OSCP1: variants seen among roughly 807,000 people sequenced by gnomAD.
OSCP1 encodes protein OSCP1.
OSCP1 carries 35 observed loss-of-function variants against 45.1 expected under a neutral mutation model. The ratio of observed to expected loss-of-function variants is 0.78; its 90% CI spans 0.59 to 1.03. OSCP1 has a LOEUF of 1.03. Ranked by LOEUF, OSCP1 falls within the 50% of genes least tolerant of loss-of-function variation. The probability of loss-of-function intolerance (pLI) is 0.00; values close to 1 mark genes in which losing one functional copy is unlikely to be tolerated. For synonymous variants in OSCP1, 179 were observed against 180.1 expected, an observed-to-expected ratio of 0.99 and a Z score of 0.05; for missense variants, 400 against 470.7, an observed-to-expected ratio of 0.85 and a Z score of 1.39.
chr1:36,435,091 C>CTTTTTTTTTTTTTTTTTTTTTTTTTT (rs201268337), intron 2 of OSCP1, among the ~76,000 whole-genome samples: 1 of 125,748 alleles, frequency 8.0e-6, no homozygotes. Flanking sequence ...TTTTCTTTTT[C>CTTTTTTTTTTTTTTTTTTTTTTTTTT]TTTTTTTTTT....
rs67376533 is a variant in OSCP1, at chr1:36,449,835, C to CAAAAAAA, written c.112+416_112+422dup. Among the ~76,000 whole-genome samples, 184 of 20,348 alleles carry CAAAAAAA rather than the reference C, an allele frequency of 9.0e-3. 29 individuals are homozygous for CAAAAAAA. Among genetic ancestry groups the CAAAAAAA allele is most frequent in the East Asian group, 0.021 (8 of 374 alleles). 13.3% of individuals were successfully genotyped at this position (20,348 alleles called of 152,430 possible). ...TGGGCGACAGAGCGAGACCCTGTCT[C>CAAAAAAA]AAAAAAAAAAAAAAAAAAAAAAAAA... On this transcript the variant is annotated intron_variant, in intron 1 of 9. Transcript: ENST00000235532.
intron 4 of OSCP1, among the ~76,000 whole-genome samples, chr1:36,426,854 T>G: frequency 6.6e-6 from 1 of 152,082 alleles, no homozygotes; most frequent in African/African-American, 2.4e-5. Context: ...TACAGGCATG[T>G]GCCACCACAC....
At chr1:36,423,542 C>A in intron 4 of OSCP1, 76 bp from the exon 5 acceptor site, 1 of 1,203,710 alleles carries the variant, frequency 8.3e-7, no homozygotes. Flanking sequence ...GTGGAAAGTG[C>A]GTAATGGTTT....
chr1:36,428,189 CAAAAAAAAAAAAAAA>C (rs71053930), intron 4 of OSCP1: 2 of 748,750 alleles, frequency 2.7e-6, no homozygotes, highest in African/African-American at 5.8e-5. Context: ...GACTGCATCT[CAAAAAAAAAAAAAAA>C]AAAAAAGAAA....
intron 2 of OSCP1, among the ~76,000 whole-genome samples, chr1:36,434,431 A>G (rs1273616793): frequency 6.6e-6 from 1 of 152,100 alleles, no homozygotes; most frequent in Admixed American, 6.6e-5. Flanking sequence ...GCAGCCAAAC[A>G]TTTCCACTTA....
intron 6 of OSCP1, among the ~76,000 whole-genome samples, 190 bp downstream of exon 6, chr1:36,422,578 T>A (rs1046694136): frequency 2.0e-5 from 3 of 152,198 alleles, no homozygotes; most frequent in Non-Finnish European, 4.4e-5. Context: ...TTCTGTTGAG[T>A]TGCCTTATGT....
At chr1:36,438,268 G>C (rs907043372) in intron 2 of OSCP1, among the ~76,000 whole-genome samples, 1 of 133,164 alleles carries the variant, frequency 7.5e-6, no homozygotes, top group African/African-American at 2.9e-5. Flanking sequence ...GGTGAGCCGA[G>C]ATCACGCCAT....
At chr1:36,426,054 C>A (rs1190216772) in intron 4 of OSCP1, among the ~76,000 whole-genome samples, 1 of 152,070 alleles carries the variant, frequency 6.6e-6, no homozygotes. Context: ...AACATGTAAA[C>A]TGGTTTGGTC....
At chr1:36,427,050 G>A (rs189631611) in intron 4 of OSCP1, among the ~76,000 whole-genome samples, 15 of 148,882 alleles carry the variant, frequency 1.0e-4, no homozygotes, top group Admixed American at 9.4e-4. Context: ...GCCCAGGCTA[G>A]AGTACAGTGG....
chr1:36,431,343 G>A (rs1363390355), intron 4 of OSCP1, among the ~76,000 whole-genome samples: 1 of 152,028 alleles, frequency 6.6e-6, no homozygotes, highest in African/African-American at 2.4e-5. Flanking sequence ...GGAGAGGAAG[G>A]AGTAAGAGGC....
At chr1:36,446,011 C>G (rs1354776445) in intron 1 of OSCP1, among the ~76,000 whole-genome samples, 1 of 150,460 alleles carries the variant, frequency 6.6e-6, no homozygotes, top group African/African-American at 2.5e-5. Flanking sequence ...TCACACCCGG[C>G]CTGGCATTTA....
chr1:36,441,147 G>A (rs1020952927), intron 1 of OSCP1, among the ~76,000 whole-genome samples: 2 of 152,226 alleles, frequency 1.3e-5, no homozygotes, highest in African/African-American at 4.8e-5. Flanking sequence ...AGAGGACGGC[G>A]GGGTCTGTCC....
chr1:36,436,682 G>A (rs1322905493), intron 2 of OSCP1, among the ~76,000 whole-genome samples: 1 of 152,198 alleles, frequency 6.6e-6, no homozygotes, highest in East Asian at 1.9e-4. Context: ...GGGAGAAGTT[G>A]TAAAGGAATT....
At chr1:36,446,510 C>T (rs940786863) in intron 1 of OSCP1, among the ~76,000 whole-genome samples, 6 of 152,232 alleles carry the variant, frequency 3.9e-5, no homozygotes, top group Non-Finnish European at 5.9e-5. Flanking sequence ...GCAGGCTGAA[C>T]GCCAGCAGGG....
In OSCP1 at chr1:36,450,331, C is replaced by A. The variant is rs1340386682; in HGVS notation, c.39G>T (p.Leu13Phe). Residue 13 changes from leucine to phenylalanine, a missense_variant, in exon 1 of 10, where the codon TTG (leucine) becomes TTT (phenylalanine). Transcript: ENST00000235532. Reference protein sequence around the residue: ...VRTLPLLFLNLGGEMLYILDQ... With the variant: ...VRTLPLLFLNFGGEMLYILDQ... The stretch of plus-strand genomic sequence containing the variant: ...CGAGGATGTAAAGCATCTCCCCGCC[C>A]AAGTTCAAGAAGAGCAGCGGTAGCG... 11 of 1,613,794 alleles carry A rather than the reference C, an allele frequency of 6.8e-6. No individual in the cohort carries two copies. The highest frequency in any genetic ancestry group is 8.5e-6 in the Non-Finnish European group (10 of 1,179,976).
intron 1 of OSCP1, among the ~76,000 whole-genome samples, chr1:36,444,885 C>T (rs914736702): frequency 1.3e-5 from 2 of 152,184 alleles, no homozygotes; most frequent in Admixed American, 1.3e-4. Context: ...GCATAACACA[C>T]ATCAAATACT....
intron 9 of OSCP1, chr1:36,418,561 G>A (rs1210242849): frequency 4.8e-6 from 2 of 413,700 alleles, no homozygotes; most frequent in East Asian, 1.0e-4. Flanking sequence ...CAGCTATATT[G>A]TAGTCTGAAT....
Position 36,443,917 on chromosome 1 carries a change from A to C in OSCP1, c.113-5007T>G. On this transcript the variant is annotated intron_variant, in intron 1 of 9. Transcript: ENST00000235532. ...TCTTACTTTGACTTTGAAATGTTTC[A>C]AGCGGTCCCATTTTAAGCCCTGCTG... The C allele has an allele frequency of 2.1e-6, 3 of 1,430,040 alleles. No individual in the cohort carries two copies. The South Asian group carries it at 3.5e-5, about 17-fold the overall frequency. The allele number at this position is 1,430,040 out of a possible 1,614,324, so 88.6% of individuals were successfully genotyped here. A position where few individuals can be genotyped will look rare whatever the true frequency, so the allele number is the denominator to read the frequency against.
At chr1:36,423,071 A>G (rs1647749864) in intron 5 of OSCP1, among the ~76,000 whole-genome samples, 175 bp from the exon 6 acceptor site, 1 of 152,194 alleles carries the variant, frequency 6.6e-6, no homozygotes, top group African/African-American at 2.4e-5. Context: ...GAGCATATGT[A>G]TGTGCCAATT....
Sources: gnomAD v4.1 joint callset for allele counts (sites outside exome capture counted in the v4.1 genomes callset) on GRCh38, gnomAD v4.1.1 for gene constraint, MANE v1.5 for transcripts, NCBI Gene and HGNC (gene_info 2026-07-23, HGNC 2026-07-21) for gene names.